Variants in RGL2 observed in about 807,000 individuals in gnomAD.
The protein encoded by RGL2 is ral guanine nucleotide dissociation stimulator-like 2.
Under a neutral mutation model 84.6 loss-of-function variants are expected in RGL2, and 40 were observed. The observed-to-expected ratio is 0.47, with a 90% CI of 0.37 to 0.62. The LOEUF (loss-of-function observed/expected upper bound fraction) is 0.62, where lower values mean the gene tolerates loss of function less well. RGL2 is among the 20% of genes least tolerant of loss of function. The probability of loss-of-function intolerance (pLI) is 0.00; values close to 1 mark genes in which losing one functional copy is unlikely to be tolerated. For missense variants in RGL2, 865 were observed against 1,019.7 expected (o/e 0.85, Z 2.07); for synonymous variants, 369 against 417.3 (o/e 0.88, Z 1.41).
rs894095784 is a variant in RGL2 at position 33,298,527 on chromosome 6, G to C, written c.84C>G (p.Pro28=). The change falls in exon 2 of 18, where the codon CCC becomes CCG. Residue 28 remains proline (P), a synonymous_variant. Transcript: ENST00000497454. This position sits in a 1 kb window ranked among gnomAD's most constrained non-coding sequence, Gnocchi z 4.8. ...GGCCACCTGGGCCCCCACCCTCTTC[G>C]GGGTCCCGGCTTCGGAAGCTGCTCA... is the stretch of plus-strand genomic sequence containing the variant. The part of the protein sequence containing the change: ...VVLSSFRSRD[P]EEGGGPGGLV... 5.5e-5 allele frequency: 82 copies of C among 1,504,542 alleles called. No individual in the cohort carries two copies. The highest frequency in any genetic ancestry group is 7.3e-5 in the Non-Finnish European group (82 of 1,128,332). 93.2% of individuals were successfully genotyped at this position (1,504,542 alleles called of 1,614,324 possible).
Position 33,293,360 on chromosome 6 carries a change from A to G in RGL2, c.1716+53T>C. 6.3e-7 allele frequency: 1 copy of G among 1,585,970 alleles called. No individual in the cohort carries two copies. The highest frequency in any genetic ancestry group is 8.6e-7 in the Non-Finnish European group (1 of 1,167,612). On this transcript the variant is annotated intron_variant, in intron 15 of 17. Transcript: ENST00000497454. The surrounding 1 kb of genome is among the most constrained non-coding windows in gnomAD (Gnocchi z 7.0). Reference sequence around the variant, plus strand: ...GAAGGCAGGGAGGTTTAAGGAAGAAACATTTACAGAGTGAGGGTCAGCGTC... The same window carrying G: ...GAAGGCAGGGAGGTTTAAGGAAGAAGCATTTACAGAGTGAGGGTCAGCGTC...
Position 33,296,313 on chromosome 6 carries a change from A to T in RGL2, c.483T>A (p.Ser161=), listed in dbSNP as rs1235175710. The change falls in exon 6 of 18, where the codon TCT becomes TCA. Residue 161 remains serine (S), a synonymous_variant. Coordinates refer to ENST00000497454, the MANE Select transcript of RGL2 (RefSeq NM_004761.5). This position sits in a 1 kb window ranked among gnomAD's most constrained non-coding sequence, Gnocchi z 5.0. The part of the protein sequence containing the change: ...ELERTTEVAI[S]VLSTWLASHP... ...GAGAGGCCAGCCAGGTTGACAGTAC[A>T]GAGATGGCTACCCTGGGAGAAGGGA... 3 of 1,611,870 alleles carry T rather than the reference A, an allele frequency of 1.9e-6. No individual in the cohort carries two copies. Among genetic ancestry groups the T allele is most frequent in the Non-Finnish European group, 2.5e-6 (3 of 1,178,656 alleles).
chr6:33,294,131 T>G lies in RGL2; in HGVS notation c.1354-65A>C. On this transcript the variant is annotated intron_variant, in intron 11 of 17. Coordinates refer to ENST00000497454, the MANE Select transcript of RGL2 (RefSeq NM_004761.5). The surrounding 1 kb of genome is among the most constrained non-coding windows in gnomAD (Gnocchi z 5.0). ...ACCTTCCGGCCACAGAGAGAGAATA[T>G]CCCCTCTCTTAAACACACACAGCCA... 44 of 1,545,618 alleles carry G rather than the reference T, an allele frequency of 2.8e-5. No homozygotes were observed. Among genetic ancestry groups the G allele is most frequent in the South Asian group, 4.8e-5 (4 of 83,462 alleles).
chr6:33,292,362 C>G lies in RGL2; in HGVS notation c.2123-49G>C, dbSNP rs202208374. 107 of 1,609,442 alleles carry G rather than the reference C, an allele frequency of 6.6e-5. 1 individual carries two copies. The South Asian group carries it at 7.4e-4, about 11-fold the overall frequency. On this transcript the variant is annotated intron_variant, in intron 17 of 17. Transcript: ENST00000497454. Reference sequence around the variant, plus strand: ...AAAGCACACACACAGTTGTTCCCCCCACAGCCGCCCAGATGTGGAAGTACT... The same window carrying G: ...AAAGCACACACACAGTTGTTCCCCCGACAGCCGCCCAGATGTGGAAGTACT...
In RGL2 at chr6:33,297,737, G is replaced by C. The variant is rs1283162768; in HGVS notation, c.157-622C>G. On this transcript the variant is annotated intron_variant, in intron 2 of 17. Coordinates refer to ENST00000497454, the MANE Select transcript of RGL2 (RefSeq NM_004761.5). This position sits in a 1 kb window ranked among gnomAD's most constrained non-coding sequence, Gnocchi z 4.0. ...GGCGGTAGACTCAGAGAGTCACGTGGCCCCAGCCCCTCCCCCGACCGATCC... is the reference window on the plus strand; with the variant it reads ...GGCGGTAGACTCAGAGAGTCACGTGCCCCCAGCCCCTCCCCCGACCGATCC... 6.6e-6 allele frequency: 1 copy of C among 152,334 alleles called. No homozygotes were observed. The highest frequency in any genetic ancestry group is 1.5e-5 in the Non-Finnish European group (1 of 68,228). The allele number at this position is 152,334 out of a possible 1,614,324, so 9.4% of individuals were successfully genotyped here.
intron 16 of RGL2, 124 bp from the exon 17 acceptor site, chr6:33,292,668 C>G: frequency 2.4e-6 from 2 of 838,196 alleles, no homozygotes; most frequent in Non-Finnish European, 3.9e-6. Flanking sequence ...AACAGGAAAA[C>G]CCAATATGGT....
Position 33,297,114 on chromosome 6 carries a change from G to A in RGL2, c.158C>T (p.Ala53Val), listed in dbSNP as rs770266238. Residue 53 changes from alanine to valine, a missense_variant and splice_region_variant, in exon 3 of 18, where the codon GCC becomes GTC. Ala to Val is a moderately conservative substitution (Grantham distance 64). Around this residue, in one of 5 missense-constraint regions of RGL2, gnomAD observed 455 missense variants for 507.8 expected, o/e 0.90. Coordinates refer to ENST00000497454, the MANE Select transcript of RGL2 (RefSeq NM_004761.5). The surrounding 1 kb of genome is among the most constrained non-coding windows in gnomAD (Gnocchi z 4.0). ...QEEEEEEEEE[A>V]PVSVWDEEED... The stretch of plus-strand genomic sequence containing the variant: ...CTCCTCATCCCAGACGGACACAGGG[G>A]CCTGGAGGAGCAAGGAAGGGGAAGT... 6 of 1,545,832 alleles carry A rather than the reference G, an allele frequency of 3.9e-6. No homozygotes were observed. The highest frequency in any genetic ancestry group is 1.4e-5 in the African/African-American group (1 of 72,280).
chr6:33,299,016 C>G (rs1057450223), upstream of RGL2: 1 of 159,980 alleles, frequency 6.3e-6, no homozygotes, highest in African/African-American at 2.4e-5. The surrounding 1 kb of genome is among the most constrained non-coding windows in gnomAD (Gnocchi z 5.0). Context: ...TTCCGCTCCC[C>G]CCCGCGTCCG....
chr6:33,294,825 C>T lies in RGL2; in HGVS notation c.1279-63G>A, dbSNP rs937361179. The T allele has an allele frequency of 2.6e-6, 4 of 1,557,894 alleles. No homozygotes were observed. The highest frequency in any genetic ancestry group is 1.1e-5 in the South Asian group (1 of 87,716). On this transcript the variant is annotated intron_variant, in intron 10 of 17. Transcript: ENST00000497454. This position sits in a 1 kb window ranked among gnomAD's most constrained non-coding sequence, Gnocchi z 5.0. ...GACGTGAGGGCCCTCCATCCCTCCG[C>T]ACTTGCCCTCCTCATTGCCTCAGAG...
Position 33,297,006 on chromosome 6 carries a change from G to C in RGL2, c.240+26C>G. ...GAAAACTGGGAATGAAGAGTCAGAG[G>C]TGAGAAGCTAAAGTCATGATCTCAC... is the stretch of plus-strand genomic sequence containing the variant. On this transcript the variant is annotated intron_variant, in intron 3 of 17. Coordinates refer to ENST00000497454, the MANE Select transcript of RGL2 (RefSeq NM_004761.5). This position sits in a 1 kb window ranked among gnomAD's most constrained non-coding sequence, Gnocchi z 4.0. 1 of 1,592,288 alleles carries C rather than the reference G, an allele frequency of 6.3e-7. No individual in the cohort carries two copies. The highest frequency in any genetic ancestry group is 8.6e-7 in the Non-Finnish European group (1 of 1,167,502).
rs765776544 is a variant in RGL2 at position 33,295,511 on chromosome 6, T to C, written c.1017A>G (p.Ala339=). The change falls in exon 7 of 18, where the codon GCA becomes GCG. Residue 339 remains alanine (A), a synonymous_variant. Transcript: ENST00000497454. The surrounding 1 kb of genome is among the most constrained non-coding windows in gnomAD (Gnocchi z 7.2). ...ARLLEKWIRV[A]EECRLLRNFS... ...GTAGGGCAATCTTCTCTCTCACCTC[T>C]GCCACGCGGATCCACTTCTCCAGGA... 1.2e-6 allele frequency: 2 copies of C among 1,613,418 alleles called. No homozygotes were observed. Among genetic ancestry groups the C allele is most frequent in the South Asian group, 2.2e-5 (2 of 91,018 alleles).
chr6:33,298,440 C>T lies in RGL2; in HGVS notation c.156+15G>A, dbSNP rs766263748. On this transcript the variant is annotated intron_variant, in intron 2 of 17. Coordinates refer to ENST00000497454, the MANE Select transcript of RGL2 (RefSeq NM_004761.5). This position sits in a 1 kb window ranked among gnomAD's most constrained non-coding sequence, Gnocchi z 4.8. ...AAATACATACGCCCCCTACCTCCCA[C>T]CACCCGCGTCTCACCTCTTCTTCTT... 164 of 1,408,688 alleles carry T rather than the reference C, an allele frequency of 1.2e-4. No homozygotes were observed. The highest frequency in any genetic ancestry group is 2.8e-4 in the Admixed American group (13 of 47,164). The allele number at this position is 1,408,688 out of a possible 1,614,324, so 87.3% of individuals were successfully genotyped here. A position where few individuals can be genotyped will look rare whatever the true frequency, so the allele number is the denominator to read the frequency against.
In RGL2 at chr6:33,293,497, G is replaced by A; in HGVS notation, c.1632C>T (p.Thr544=). The change falls in exon 15 of 18, where the codon ACC becomes ACT. Residue 544 remains threonine, a synonymous_variant. Transcript: ENST00000497454. The surrounding 1 kb of genome is among the most constrained non-coding windows in gnomAD (Gnocchi z 7.0). ...TGGGCCGGTCACAGGACACAAGCGG[G>A]GTAGGGACCCCAACAGAGCCCAAAA... The part of the protein sequence containing the change: ...TEVLGSVGVP[T]PLVSCDRPST... The A allele has an allele frequency of 6.2e-7, 1 of 1,614,050 alleles. No homozygotes were observed. The highest frequency in any genetic ancestry group is 8.5e-7 in the Non-Finnish European group (1 of 1,179,956).
At chr6:33,300,658 C>T (rs1768492731), upstream of RGL2, 1 of 54,566 alleles carries the variant, frequency 1.8e-5, no homozygotes, top group Admixed American at 2.0e-4. Context: ...GAGACTCTGT[C>T]TCAGAAAAAA....
chr6:33,292,670 C>G, intron 16 of RGL2, 126 bp from the exon 17 acceptor site: 1 of 820,620 alleles, frequency 1.2e-6, no homozygotes, highest in Non-Finnish European at 2.0e-6. Context: ...CAGGAAAACC[C>G]AATATGGTGG....
rs1356129487 is a variant in RGL2, at chr6:33,298,045, C to T, written c.156+410G>A. 6.4e-6 allele frequency: 1 copy of T among 156,432 alleles called. No individual in the cohort carries two copies. Among genetic ancestry groups the T allele is most frequent in the African/African-American group, 2.4e-5 (1 of 41,534 alleles). 9.7% of individuals were successfully genotyped at this position (156,432 alleles called of 1,614,324 possible). ...GAGAGGGAAGGAGGGGTCACGAAAT[C>T]TGAGGGTTCCCTCCCCAATCCCAGA... On this transcript the variant is annotated intron_variant, in intron 2 of 17. Transcript: ENST00000497454. The surrounding 1 kb of genome is among the most constrained non-coding windows in gnomAD (Gnocchi z 4.8).
Position 33,296,375 on chromosome 6 carries a change from C to A in RGL2, c.470+39G>T, listed in dbSNP as rs1024636991. The A allele has an allele frequency of 6.2e-7, 1 of 1,605,404 alleles. No homozygotes were observed. The highest frequency in any genetic ancestry group is 8.5e-7 in the Non-Finnish European group (1 of 1,175,314). Reference sequence around the variant, plus strand: ...GTGAGAGGTAAAGCTGCAGCCTGGGCAGAGGGGACTGTGAGATTAAGAACC... The same window carrying A: ...GTGAGAGGTAAAGCTGCAGCCTGGGAAGAGGGGACTGTGAGATTAAGAACC... On this transcript the variant is annotated intron_variant, in intron 5 of 17. Transcript: ENST00000497454. The surrounding 1 kb of genome is among the most constrained non-coding windows in gnomAD (Gnocchi z 5.0).
rs1767977417 is a variant in RGL2 at position 33,296,525 on chromosome 6, T to G, written c.420-61A>C. On this transcript the variant is annotated intron_variant, in intron 4 of 17. Transcript: ENST00000497454. This position sits in a 1 kb window ranked among gnomAD's most constrained non-coding sequence, Gnocchi z 5.0. ...CCCAAACCCTCAGTGGCTTTGACTA[T>G]TTTGGTGGGATGTTGCGGCTTTAGG... The G allele has an allele frequency of 1.9e-6, 3 of 1,586,340 alleles. No homozygotes were observed. The African/African-American group carries it at 4.0e-5, about 21-fold the overall frequency.
chr6:33,296,187 G>GCC lies in RGL2; in HGVS notation c.607_608dup (p.Ser204AlafsTer49). ...GGAGATTGCGGATGAGGTCAGCGCT[G>GCC]CCCCCCCCAACACCCTTCCCTGCTG... On this transcript the variant is annotated frameshift_variant, in exon 6 of 18. Coordinates refer to ENST00000497454, the MANE Select transcript of RGL2 (RefSeq NM_004761.5). LOFTEE classifies it high-confidence loss of function. The surrounding 1 kb of genome is among the most constrained non-coding windows in gnomAD (Gnocchi z 5.0). 6.2e-7 allele frequency: 1 copy of GCC among 1,613,040 alleles called. No individual in the cohort carries two copies.
Sources: gnomAD v4.1 joint callset for allele counts on GRCh38, gnomAD v4.1.1 for gene constraint, gnomAD v4.1.1 regional missense constraint, Gnocchi (gnomAD v3.1) non-coding constraint, MANE v1.5 for transcripts, NCBI Gene and HGNC (gene_info 2026-07-23, HGNC 2026-07-21) for gene names.